The following ZNF354B variants were observed in gnomAD, a reference collection of about 807,000 sequenced individuals.
The protein encoded by ZNF354B is zinc finger protein 354B.
A neutral mutation model predicts 12.9 loss-of-function variants in ZNF354B; 10 were observed. That is an observed-to-expected ratio of 0.77 (90% confidence interval 0.48 to 1.31). ZNF354B has a LOEUF of 1.31. ZNF354B is among the 40% of genes most tolerant of loss of function. The pLI is 0.00. For missense variants in ZNF354B, 614 were observed against 711.7 expected (o/e 0.86, Z 1.56); for synonymous variants, 260 against 243.7 (o/e 1.07, Z -0.62).
intron 4 of ZNF354B, among the ~76,000 whole-genome samples, chr5:178,871,668 G>A (rs1162402909): frequency 6.6e-6 from 1 of 152,198 alleles, no homozygotes; most frequent in Non-Finnish European, 1.5e-5. Context: ...GACTAGGTTA[G>A]TGGTGTTGGA....
At chr5:178,871,285 A>AG (rs1199780580) in intron 4 of ZNF354B, among the ~76,000 whole-genome samples, 1 of 152,024 alleles carries the variant, frequency 6.6e-6, no homozygotes, top group Non-Finnish European at 1.5e-5. Flanking sequence ...GCTGTTTGTC[A>AG]GGGGGGCCAA....
chr5:178,876,469 G>A (rs941716073), intron 4 of ZNF354B, among the ~76,000 whole-genome samples: 2 of 152,238 alleles, frequency 1.3e-5, no homozygotes, highest in Non-Finnish European at 2.9e-5. Context: ...CTACTGGCCC[G>A]AGAGCCTAGG....
chr5:178,868,928 C>T (rs111243913), intron 4 of ZNF354B, among the ~76,000 whole-genome samples: 42 of 149,710 alleles, frequency 2.8e-4, no homozygotes, highest in Non-Finnish European at 5.0e-4. Flanking sequence ...GCCGAGATCG[C>T]GCCACTGCAC....
At position 178,883,838 on chromosome 5, in the gene ZNF354B, A is replaced by G. The variant is rs1561672218; in HGVS notation, c.1386A>G (p.Gly462=). Residue 462 remains glycine, a synonymous_variant, in exon 5 of 5, where the codon GGA becomes GGG. Coordinates refer to ENST00000322434, the MANE Select transcript of ZNF354B (RefSeq NM_058230.3). The part of the protein sequence containing the change: ...TLIIHERIHT[G]EKPCKCKVCG... ...TTATTCATGAGCGAATTCATACTGG[A>G]GAAAAACCATGTAAATGTAAAGTAT... is the stretch of plus-strand genomic sequence containing the variant. 1 of 1,614,156 alleles carries G rather than the reference A, an allele frequency of 6.2e-7. No individual in the cohort carries two copies. Among genetic ancestry groups the G allele is most frequent in the Non-Finnish European group, 8.5e-7 (1 of 1,179,998 alleles).
intron 4 of ZNF354B, among the ~76,000 whole-genome samples, chr5:178,877,877 A>G (rs556984410): frequency 2.6e-5 from 4 of 152,180 alleles, no homozygotes; most frequent in Non-Finnish European, 5.9e-5. Flanking sequence ...AGATTCTGAC[A>G]CCTCAGTTGT....
intron 4 of ZNF354B, among the ~76,000 whole-genome samples, chr5:178,867,938 C>T (rs1182385132): frequency 1.3e-5 from 2 of 152,076 alleles, no homozygotes; most frequent in South Asian, 2.1e-4. Flanking sequence ...TTGGGAGTAT[C>T]GTGATTGAAA....
At chr5:178,866,481 T>C in intron 3 of ZNF354B, 111 bp downstream of exon 3, 1 of 1,467,794 alleles carries the variant, frequency 6.8e-7, no homozygotes, top group Non-Finnish European at 9.2e-7. Context: ...AGTTTGAGGA[T>C]TGTACAAATC....
chr5:178,865,519 G>C (rs574972457), intron 2 of ZNF354B, among the ~76,000 whole-genome samples: 3 of 151,986 alleles, frequency 2.0e-5, no homozygotes, highest in Non-Finnish European at 4.4e-5. Flanking sequence ...CAGCCATCTC[G>C]GCCTCCCAAA....
rs193201570 is a variant in ZNF354B at position 178,883,518 on chromosome 5, T to C, written c.1066T>C (p.Cys356Arg). The change falls in exon 5 of 5, where the codon TGT (cysteine) becomes CGT (arginine). Residue 356 changes from cysteine (C) to arginine (R), a missense_variant. Coordinates refer to ENST00000322434, the MANE Select transcript of ZNF354B (RefSeq NM_058230.3). ...KIHLRKKSYL[C>R]NECGNTFKSS... ...TCATCTCAGAAAGAAGTCCTACTTA[T>C]GTAATGAATGTGGCAACACCTTTAA... 9 of 1,614,168 alleles carry C rather than the reference T, an allele frequency of 5.6e-6. No individual in the cohort carries two copies. The highest frequency in any genetic ancestry group is 2.7e-5 in the African/African-American group (2 of 75,052).
At position 178,884,915 on chromosome 5, in the gene ZNF354B, C is replaced by T. The variant is rs1031133177; in HGVS notation, c.*624C>T. 2 of 151,996 alleles carry T rather than the reference C, an allele frequency of 1.3e-5. No individual in the cohort carries two copies. Among genetic ancestry groups the T allele is most frequent in the Non-Finnish European group, 2.9e-5 (2 of 67,990 alleles). 9.4% of individuals were successfully genotyped at this position (151,996 alleles called of 1,614,324 possible). On this transcript the variant is annotated 3_prime_UTR_variant, in exon 5 of 5. Transcript: ENST00000322434. ...ATATATGCAGTATTAGAGCAAAGGACCAATAAGAGATAAAAACTAACTGAA... is the reference window on the plus strand; with the variant it reads ...ATATATGCAGTATTAGAGCAAAGGATCAATAAGAGATAAAAACTAACTGAA...
intron 4 of ZNF354B, among the ~76,000 whole-genome samples, chr5:178,870,510 C>G (rs1189032340): frequency 6.6e-6 from 1 of 152,218 alleles, no homozygotes; most frequent in Non-Finnish European, 1.5e-5. Flanking sequence ...GAACTTCTGA[C>G]CTGAAATGAT....
intron 2 of ZNF354B, among the ~76,000 whole-genome samples, chr5:178,862,491 T>C (rs1446359870): frequency 2.7e-5 from 4 of 150,646 alleles, no homozygotes; most frequent in Non-Finnish European, 5.9e-5. Context: ...CTCAGCCTCC[T>C]GAGTAGCTAG....
Position 178,884,323 on chromosome 5 carries a change from A to C in ZNF354B, c.*32A>C, listed in dbSNP as rs746585082. ...TAAACCAAAACTCATCAGAGAATAC[A>C]TGCTTGAGAGTGATTTATTAAATAT... On this transcript the variant is annotated 3_prime_UTR_variant, in exon 5 of 5. Transcript: ENST00000322434. The C allele has an allele frequency of 2.6e-6, 4 of 1,533,374 alleles. No individual in the cohort carries two copies. Among genetic ancestry groups the C allele is most frequent in the Non-Finnish European group, 3.5e-6 (4 of 1,144,944 alleles). The allele number at this position is 1,533,374 out of a possible 1,614,324, so 95.0% of individuals were successfully genotyped here.
chr5:178,867,307 G>T (rs4700843), intron 4 of ZNF354B, among the ~76,000 whole-genome samples: 151,980 of 152,334 alleles, frequency 1, 75,814 homozygotes, highest in Middle Eastern at 1. Context: ...GGCTGTATTT[G>T]CATGTATTCA....
chr5:178,880,155 ATAATGACTT>A lies in ZNF354B; in HGVS notation c.257-2553_257-2545del, dbSNP rs550355196. Among the ~76,000 whole-genome samples, 190 of 152,142 alleles carry A rather than the reference ATAATGACTT, an allele frequency of 1.2e-3. No individual in the cohort carries two copies. In the South Asian group the frequency reaches 0.016, roughly 13 times the overall value. On this transcript the variant is annotated intron_variant, in intron 4 of 4. Coordinates refer to ENST00000322434, the MANE Select transcript of ZNF354B (RefSeq NM_058230.3). Reference sequence around the variant, plus strand: ...TAAATAAACAAAAAAGTAGAATAATATAATGACTTCCCATGTATTCGTCATCCAATTTCT... The same window carrying A: ...TAAATAAACAAAAAAGTAGAATAATACCCATGTATTCGTCATCCAATTTCT...
intron 4 of ZNF354B, among the ~76,000 whole-genome samples, chr5:178,870,815 C>T (rs1000929785): frequency 3.3e-5 from 5 of 152,078 alleles, no homozygotes. Flanking sequence ...TGCCCTGTAG[C>T]CCTATTGCAT....
At position 178,883,028 on chromosome 5, in the gene ZNF354B, A is replaced by C. The variant is rs1323377443; in HGVS notation, c.576A>C (p.Arg192Ser). 6.2e-6 allele frequency: 10 copies of C among 1,608,286 alleles called. 1 individual carries two copies. The South Asian group carries it at 1.1e-4, about 18-fold the overall frequency. Reference protein sequence around the residue: ...EKTPSKCEIQRNSFKQNSNLL... With the variant: ...EKTPSKCEIQSNSFKQNSNLL... ...CTCCATCAAAATGTGAAATACAAAGAAATAGTTTCAAGCAGAATTCAAATT... is the reference window on the plus strand; with the variant it reads ...CTCCATCAAAATGTGAAATACAAAGCAATAGTTTCAAGCAGAATTCAAATT... Residue 192 changes from arginine to serine, a missense_variant, in exon 5 of 5, where the codon AGA (arginine) becomes AGC (serine). By Grantham distance (110) the Arg-to-Ser change is moderately radical. Transcript: ENST00000322434.
rs10038744 is a variant in ZNF354B at position 178,867,333 on chromosome 5, A to C, written c.256+262A>C. 7.1e-3 allele frequency among the ~76,000 whole-genome samples: 1,088 copies of C among 152,306 alleles called. 20 individuals carry two copies. The highest frequency in any genetic ancestry group is 0.024 in the African/African-American group (1,010 of 41,554). On this transcript the variant is annotated intron_variant, in intron 4 of 4. Coordinates refer to ENST00000322434, the MANE Select transcript of ZNF354B (RefSeq NM_058230.3). ...CATGTATTCATTCAGCAAACATAGT[A>C]TATTTAAGGAACTTCAAATAATCAC...
intron 2 of ZNF354B, 136 bp from the exon 3 acceptor site, chr5:178,866,108 T>C: frequency 7.7e-7 from 1 of 1,305,726 alleles, no homozygotes; most frequent in South Asian, 1.6e-5. Flanking sequence ...CAATTATTCA[T>C]TAAAGGAATG....
Sources: gnomAD v4.1 joint callset for allele counts (sites outside exome capture counted in the v4.1 genomes callset) on GRCh38, gnomAD v4.1.1 for gene constraint, MANE v1.5 for transcripts, NCBI Gene and HGNC (gene_info 2026-07-23, HGNC 2026-07-21) for gene names.